TUT1: variants seen among roughly 807,000 people sequenced by gnomAD.
TUT1 encodes speckle targeted PIP5K1A-regulated poly(A) polymerase.
Under a neutral mutation model 48.8 loss-of-function variants are expected in TUT1, and 26 were observed. The observed-to-expected ratio is 0.53, with a 90% CI of 0.39 to 0.74. The LOEUF (loss-of-function observed/expected upper bound fraction) is 0.74. TUT1 is among the 30% of genes least tolerant of loss of function. The pLI, the probability that TUT1 is intolerant of heterozygous loss-of-function variation, is 0.00. For missense variants in TUT1, 1,065 were observed against 1,114.8 expected, an observed-to-expected ratio of 0.96 and a Z score of 0.64; for synonymous variants, 470 against 460.8, an observed-to-expected ratio of 1.02 and a Z score of -0.26.
intron 2 of TUT1, among the ~76,000 whole-genome samples, chr11:62,583,331 G>A (rs1047564479): frequency 5.3e-5 from 8 of 151,994 alleles, no homozygotes; most frequent in African/African-American, 1.9e-4. Flanking sequence ...GAGGAAAAAC[G>A]CCGGGCGCAG....
In TUT1 at chr11:62,577,371, A is replaced by AT. The variant is rs1271002500; in HGVS notation, c.1161-81dup. 27 of 1,101,114 alleles carry AT rather than the reference A, an allele frequency of 2.5e-5. No homozygotes were observed. In the African/African-American group the frequency reaches 4.3e-4, roughly 18 times the overall value. 68.2% of individuals were successfully genotyped at this position (1,101,114 alleles called of 1,614,324 possible). ...CCCCCAGCTTTCATTCCAGACTTGC[A>AT]TAACTGGAGCCAGCTGGAATAAGGC... On this transcript the variant is annotated intron_variant, in intron 5 of 8. Coordinates refer to ENST00000476907, the MANE Select transcript of TUT1 (RefSeq NM_022830.3).
intron 2 of TUT1, chr11:62,582,603 A>G (rs1189180271): frequency 8.8e-6 from 4 of 455,788 alleles, no homozygotes; most frequent in Non-Finnish European, 1.8e-5. Context: ...CTGTCTCAAA[A>G]AAAAGTAGAA....
chr11:62,576,084 A>G lies in TUT1; in HGVS notation c.1635T>C (p.Phe545=). Residue 545 remains phenylalanine (F), a synonymous_variant, in exon 9 of 9, where the codon TTT becomes TTC. Coordinates refer to ENST00000476907, the MANE Select transcript of TUT1 (RefSeq NM_022830.3). The part of the protein sequence containing the change: ...RLGPLNLQDP[F]DLSHNVAANV... ...TGGCTGCGACATTGTGACTCAGGTC[A>G]AAAGGGTCCTGGAGATTCAGGGGGC... 1 of 1,614,000 alleles carries G rather than the reference A, an allele frequency of 6.2e-7. No individual in the cohort carries two copies. The highest frequency in any genetic ancestry group is 1.7e-5 in the Admixed American group (1 of 60,030).
chr11:62,579,684 A>C (rs1039110679), intron 4 of TUT1, among the ~76,000 whole-genome samples: 3 of 106,948 alleles, frequency 2.8e-5, no homozygotes, highest in African/African-American at 1.1e-4. Flanking sequence ...TTTTTTTTTG[A>C]GATGGAGTCT....
intron 4 of TUT1, 60 bp from the exon 5 acceptor site, chr11:62,579,090 A>G: frequency 3.1e-6 from 4 of 1,275,654 alleles, no homozygotes; most frequent in South Asian, 3.7e-5. Context: ...GGGATCTCTC[A>G]AGATAATATT....
intron 3 of TUT1, 35 bp downstream of exon 3, chr11:62,581,351 G>A: frequency 6.3e-7 from 1 of 1,575,762 alleles, no homozygotes; most frequent in East Asian, 2.2e-5. Context: ...GCAAAGGCCA[G>A]GGAGGGCTCA....
chr11:62,575,683 C>A lies in TUT1; in HGVS notation c.2036G>T (p.Gly679Val). ...GTCTTCCCCACCGTCCCCTGCACAT[C>A]CCTGCTGCTCCTCTTTCCCCTCCTC... ...CCEEGKEEQQ[G>V]CAGDGGEDRV... is the part of the protein sequence containing the mutation. The change falls in exon 9 of 9, where the codon GGA (glycine) becomes GTA (valine). Residue 679 changes from glycine to valine, a missense_variant. By Grantham distance (109) the Gly-to-Val change is moderately radical. Transcript: ENST00000476907. 4 of 1,614,214 alleles carry A rather than the reference C, an allele frequency of 2.5e-6. No homozygotes were observed. Among genetic ancestry groups the A allele is most frequent in the African/African-American group, 1.3e-5 (1 of 75,056 alleles).
rs1941703183 is a variant in TUT1 at position 62,575,402 on chromosome 11, G to A, written c.2317C>T (p.Arg773Ter). The change falls in exon 9 of 9, where the codon CGA becomes TGA. Residue 773 changes from arginine to a stop codon, truncating the protein, a stop_gained. Coordinates refer to ENST00000476907, the MANE Select transcript of TUT1 (RefSeq NM_022830.3). LOFTEE classifies it low-confidence loss of function (END_TRUNC). ...GCTCGCCGCCGCCCTTGCCACACTCGGTGCCACAAGGCACAGCGCCAGCTC... is the reference window on the plus strand; with the variant it reads ...GCTCGCCGCCGCCCTTGCCACACTCAGTGCCACAAGGCACAGCGCCAGCTC... ...SASWRCALWHRVWQGRRRARR... is the reference protein window; with the variant it reads ...SASWRCALWH 1.2e-6 allele frequency: 2 copies of A among 1,611,944 alleles called. No individual in the cohort carries two copies. Among genetic ancestry groups the A allele is most frequent in the Non-Finnish European group, 1.7e-6 (2 of 1,180,008 alleles).
At chr11:62,579,399 G>C (rs1941789800) in intron 4 of TUT1, among the ~76,000 whole-genome samples, 1 of 152,080 alleles carries the variant, frequency 6.6e-6, no homozygotes, top group East Asian at 1.9e-4. Flanking sequence ...TGGTACTGTG[G>C]TTATACACTA....
chr11:62,589,365 C>T, intron 1 of TUT1, 144 bp from the exon 2 acceptor site: 1 of 662,432 alleles, frequency 1.5e-6, no homozygotes, highest in Non-Finnish European at 2.5e-6. Context: ...CTCCTTTCAC[C>T]TTCCTCTCTT....
Position 62,589,178 on chromosome 11 carries a change from G to T in TUT1, c.126C>A (p.His42Gln), listed in dbSNP as rs1401523416. 1 of 1,614,208 alleles carries T rather than the reference G, an allele frequency of 6.2e-7. No homozygotes were observed. The highest frequency in any genetic ancestry group is 1.1e-5 in the South Asian group (1 of 91,082). Residue 42 changes from histidine to glutamine, a missense_variant, in exon 2 of 9, where the codon CAC (histidine) becomes CAA (glutamine). Physicochemically the swap from His to Gln is conservative, Grantham distance 24 (BLOSUM62 0). Coordinates refer to ENST00000476907, the MANE Select transcript of TUT1 (RefSeq NM_022830.3). ...TTCTCGCAGCTCGTAGTTCTACCAG[G>T]TGCCGGTGCTTTCTGCCTCCCAAGT... ...DAHLGGRKHR[H>Q]LVELRAARKA...
intron 4 of TUT1, among the ~76,000 whole-genome samples, chr11:62,579,396 G>A (rs549190057): frequency 1.3e-5 from 2 of 152,252 alleles, no homozygotes; most frequent in South Asian, 2.1e-4. Context: ...TAATGGTACT[G>A]TGGTTATACA....
chr11:62,575,679 A>C lies in TUT1; in HGVS notation c.2040T>G (p.Cys680Trp), dbSNP rs2134301970. 6.2e-7 allele frequency: 1 copy of C among 1,614,154 alleles called. No homozygotes were observed. ...CCCTGTCTTCCCCACCGTCCCCTGC[A>C]CATCCCTGCTGCTCCTCTTTCCCCT... ...CEEGKEEQQG[C>W]AGDGGEDRVE... Residue 680 changes from cysteine (C) to tryptophan (W), a missense_variant, in exon 9 of 9, where the codon TGT becomes TGG. Physicochemically the swap from Cys to Trp is radical, Grantham distance 215. Coordinates refer to ENST00000476907, the MANE Select transcript of TUT1 (RefSeq NM_022830.3).
chr11:62,584,127 A>ATTTT (rs1190506956), intron 2 of TUT1, among the ~76,000 whole-genome samples: 1 of 133,302 alleles, frequency 7.5e-6, no homozygotes. Flanking sequence ...ACTGAATTGT[A>ATTTT]TTTTTTTTTT....
intron 2 of TUT1, among the ~76,000 whole-genome samples, chr11:62,582,969 A>C (rs748397176): frequency 4.6e-5 from 7 of 151,996 alleles, no homozygotes; most frequent in Non-Finnish European, 7.4e-5. Flanking sequence ...TCTACTAAAA[A>C]TACAAAAAAT....
In TUT1 at chr11:62,589,145, C is replaced by T. The variant is rs761594782; in HGVS notation, c.159G>A (p.Gln53=). The T allele has an allele frequency of 6.2e-7, 1 of 1,614,284 alleles. No homozygotes were observed. Among genetic ancestry groups the T allele is most frequent in the Non-Finnish European group, 8.5e-7 (1 of 1,180,052 alleles). Residue 53 remains glutamine, a synonymous_variant, in exon 2 of 9, where the codon CAG becomes CAA. Transcript: ENST00000476907. ...CACTGACAAACACACTTCGAAGTCC[C>T]TGGGCCTTTCTCGCAGCTCGTAGTT... ...LVELRAARKA[Q]GLRSVFVSGF...
chr11:62,581,299 C>T, intron 3 of TUT1, 87 bp downstream of exon 3: 2 of 1,561,326 alleles, frequency 1.3e-6, no homozygotes, highest in Non-Finnish European at 1.8e-6. Flanking sequence ...AGCAACCAAA[C>T]ACCTCTAGCG....
chr11:62,576,566 G>T, intron 8 of TUT1, 91 bp downstream of exon 8: 1 of 1,153,232 alleles, frequency 8.7e-7, no homozygotes, highest in Non-Finnish European at 1.3e-6. Flanking sequence ...CTTTCTGTGA[G>T]AACCATGCCT....
chr11:62,590,727 G>A (rs1424846752), intron 1 of TUT1, among the ~76,000 whole-genome samples: 2 of 151,902 alleles, frequency 1.3e-5, no homozygotes, highest in Admixed American at 1.3e-4. Flanking sequence ...CAGGGGTATG[G>A]TTTGAGCCCG....
Sources: allele counts gnomAD v4.1 joint callset (sites outside exome capture counted in the v4.1 genomes callset), GRCh38; gene constraint gnomAD v4.1.1; transcripts MANE v1.5; gene names NCBI Gene and HGNC (gene_info 2026-07-23, HGNC 2026-07-21).